Variants in ACTR3C observed in about 807,000 individuals in gnomAD.
ACTR3C encodes actin-related protein 3C.
A neutral mutation model predicts 26.3 loss-of-function variants in ACTR3C; 18 were observed. The ratio of observed to expected loss-of-function variants is 0.68; its 90% CI spans 0.47 to 1.01. The LOEUF is 1.01. Ranked by LOEUF, ACTR3C falls within the 50% of genes least tolerant of loss-of-function variation. The probability of loss-of-function intolerance (pLI) is 0.00; values close to 1 mark genes in which losing one functional copy is unlikely to be tolerated. For missense variants in ACTR3C, 184 were observed against 250.7 expected (o/e 0.73, Z 1.80); for synonymous variants, 55 against 94.5 (o/e 0.58, Z 2.42).
At chr7:150,150,602 C>T in the ACTR3C span, among the ~76,000 whole-genome samples, 250 of 138,688 alleles carry the variant, frequency 1.8e-3, 13 homozygotes, top group African/African-American at 6.1e-3. Flanking sequence ...TTCCTTCTGT[C>T]TTGCAGAAAT....
At chr7:150,179,970 T>A in the ACTR3C span, among the ~76,000 whole-genome samples, 1 of 151,340 alleles carries the variant, frequency 6.6e-6, no homozygotes, top group Non-Finnish European at 1.5e-5. Flanking sequence ...AGCATTTTAA[T>A]ATTTATCAAA....
chr7:150,255,121 C>A (rs1482442092), intron 6 of ACTR3C, among the ~76,000 whole-genome samples: 4 of 151,840 alleles, frequency 2.6e-5, no homozygotes, highest in African/African-American at 9.7e-5. Flanking sequence ...CTCCAAAAGT[C>A]ACAGCGTAAG....
At chr7:149,952,082 G>A in the ACTR3C span, among the ~76,000 whole-genome samples, 1 of 151,084 alleles carries the variant, frequency 6.6e-6, no homozygotes, top group Non-Finnish European at 1.5e-5. Flanking sequence ...AAGCTCCGCT[G>A]TCTCTTCCTC....
At chr7:150,244,185 A>C (rs1195821667), downstream of ACTR3C, 2 of 2,632 alleles carry the variant, frequency 7.6e-4, no homozygotes, top group African/African-American at 5.0e-3. Flanking sequence ...ATATAGTCTT[A>C]GAATATTGAA....
chr7:149,968,890 T>C, the ACTR3C span, among the ~76,000 whole-genome samples: 117 of 152,174 alleles, frequency 7.7e-4, no homozygotes, highest in Non-Finnish European at 3.5e-4. Context: ...CATGTGGGCC[T>C]GCTCCTGTGT....
chr7:150,058,889 A>C, the ACTR3C span, among the ~76,000 whole-genome samples: 1 of 152,152 alleles, frequency 6.6e-6, no homozygotes, highest in Non-Finnish European at 1.5e-5. Flanking sequence ...ACTGCACTCC[A>C]GCCTGGCCAC....
chr7:150,150,495 T>C, the ACTR3C span, among the ~76,000 whole-genome samples: 2 of 148,412 alleles, frequency 1.3e-5, no homozygotes, highest in Non-Finnish European at 3.0e-5. Flanking sequence ...TGCAGAGGGG[T>C]GTTAGGGGAG....
chr7:149,961,388 C>T, the ACTR3C span, among the ~76,000 whole-genome samples: 2 of 151,988 alleles, frequency 1.3e-5, no homozygotes, highest in African/African-American at 2.4e-5. Flanking sequence ...AGTGTATGCT[C>T]ACAGGAAGTG....
the ACTR3C span, among the ~76,000 whole-genome samples, chr7:150,088,504 G>A: frequency 6.6e-6 from 1 of 152,120 alleles, no homozygotes; most frequent in African/African-American, 2.4e-5. Flanking sequence ...TTGAATATAT[G>A]GACTAAACCT....
At chr7:150,033,895 G>C in the ACTR3C span, among the ~76,000 whole-genome samples, 309 of 147,706 alleles carry the variant, frequency 2.1e-3, no homozygotes, top group Middle Eastern at 0.019. Context: ...AGAGGGGCTC[G>C]CTCTCAGTCC....
the ACTR3C span, among the ~76,000 whole-genome samples, chr7:150,077,370 C>T: frequency 2.6e-5 from 4 of 152,146 alleles, no homozygotes; most frequent in East Asian, 7.7e-4. Flanking sequence ...TATTATTCAC[C>T]TTCTATTAGG....
At chr7:150,255,896 A>G (rs185757567) in intron 6 of ACTR3C, among the ~76,000 whole-genome samples, 29 of 152,352 alleles carry the variant, frequency 1.9e-4, no homozygotes, top group Admixed American at 9.1e-4. Flanking sequence ...TAATATTTTT[A>G]GGAACTCACT....
the ACTR3C span, among the ~76,000 whole-genome samples, chr7:150,220,862 G>C: frequency 3.3e-5 from 5 of 152,308 alleles, no homozygotes; most frequent in African/African-American, 1.2e-4. Context: ...GGCTGGAGCG[G>C]TCATCAGTGC....
At chr7:150,034,825 CCCCCCTCT>C in the ACTR3C span, among the ~76,000 whole-genome samples, 1 of 148,194 alleles carries the variant, frequency 6.7e-6, no homozygotes, top group Non-Finnish European at 1.5e-5. Context: ...GGGGGTGCCT[CCCCCCTCT>C]GCGATGGGTG....
the ACTR3C span, among the ~76,000 whole-genome samples, chr7:149,990,890 G>C: frequency 6.6e-6 from 1 of 152,200 alleles, no homozygotes; most frequent in Non-Finnish European, 1.5e-5. Context: ...CTGGGCCCAG[G>C]GTACACATGA....
the ACTR3C span, among the ~76,000 whole-genome samples, chr7:150,008,489 T>C: frequency 8.5e-5 from 13 of 152,234 alleles, no homozygotes; most frequent in African/African-American, 3.1e-4. Flanking sequence ...AAAATTTAAA[T>C]ATCCACAGGT....
intron 3 of ACTR3C, among the ~76,000 whole-genome samples, chr7:150,291,377 C>T (rs1429279631): frequency 1.3e-5 from 2 of 151,942 alleles, no homozygotes; most frequent in Admixed American, 1.3e-4. Flanking sequence ...TGCAGTGTGC[C>T]GAGATCGTGC....
the ACTR3C span, among the ~76,000 whole-genome samples, chr7:150,233,179 T>C: frequency 1.1e-3 from 173 of 151,662 alleles, no homozygotes; most frequent in African/African-American, 4.1e-3. Context: ...TCAGCATTTG[T>C]CTGAGGAAGT....
the ACTR3C span, among the ~76,000 whole-genome samples, chr7:150,043,147 G>A: frequency 1.1e-4 from 17 of 150,820 alleles, no homozygotes; most frequent in Admixed American, 6.6e-4. Flanking sequence ...AGCTGCGTTC[G>A]GACCCATGTC....
Sources: gnomAD v4.1 joint callset for allele counts (sites outside exome capture counted in the v4.1 genomes callset) on GRCh38, gnomAD v4.1.1 for gene constraint, MANE v1.5 for transcripts, NCBI Gene and HGNC (gene_info 2026-07-23, HGNC 2026-07-21) for gene names.